PPP1R16B: variants seen among roughly 807,000 people sequenced by gnomAD.
The protein encoded by PPP1R16B is protein phosphatase 1 regulatory subunit 16B.
Under a neutral mutation model 61.7 loss-of-function variants are expected in PPP1R16B, and 14 were observed. That is an observed-to-expected ratio of 0.23 (90% CI 0.15 to 0.35). The LOEUF (loss-of-function observed/expected upper bound fraction) is 0.35, where lower values mean the gene tolerates loss of function less well. PPP1R16B is among the 10% of genes least tolerant of loss of function. The probability of loss-of-function intolerance (pLI) is 1.00; values close to 1 mark genes in which losing one functional copy is unlikely to be tolerated. For synonymous variants in PPP1R16B, 266 were observed against 305.3 expected, an observed-to-expected ratio of 0.87 and a Z score of 1.34; for missense variants, 547 against 752.5, an observed-to-expected ratio of 0.73 and a Z score of 3.19.
chr20:38,872,554 C>CT (rs1249119719), intron 2 of PPP1R16B, among the ~76,000 whole-genome samples: 1 of 152,196 alleles, frequency 6.6e-6, no homozygotes, highest in Non-Finnish European at 1.5e-5. Context: ...AGACACCCCC[C>CT]TCCTGCAGGG....
chr20:38,808,872 A>C (rs1331485792), intron 1 of PPP1R16B, among the ~76,000 whole-genome samples: 2 of 152,044 alleles, frequency 1.3e-5, no homozygotes, highest in African/African-American at 4.8e-5. Flanking sequence ...ATCTCTACTA[A>C]AAATACAAAA....
At chr20:38,867,017 G>GAATACACAAA (rs2085095057) in intron 2 of PPP1R16B, among the ~76,000 whole-genome samples, 4 of 152,060 alleles carry the variant, frequency 2.6e-5, no homozygotes, top group Non-Finnish European at 4.4e-5. Context: ...GTGACTTTTC[G>GAATACACAAA]TGTCTGGCTT....
At chr20:38,851,958 A>C (rs1045113770) in intron 2 of PPP1R16B, among the ~76,000 whole-genome samples, 1 of 152,168 alleles carries the variant, frequency 6.6e-6, no homozygotes, top group Non-Finnish European at 1.5e-5. Context: ...GCTTAAGCCC[A>C]TGTGGGCAAG....
rs2085579586 is a variant in PPP1R16B at position 38,919,991 on chromosome 20, C to T, written c.*1325C>T. The T allele has an allele frequency of 6.6e-6, 1 of 152,268 alleles. No homozygotes were observed. Among genetic ancestry groups the T allele is most frequent in the Non-Finnish European group, 1.5e-5 (1 of 68,062 alleles). 9.4% of individuals were successfully genotyped at this position (152,268 alleles called of 1,614,324 possible). Reference sequence around the variant, plus strand: ...TCCCGCCTCACCCAGGGGCTCCCAGCCTGCACTTGCAGGAGTGGTGATGCC... The same window carrying T: ...TCCCGCCTCACCCAGGGGCTCCCAGTCTGCACTTGCAGGAGTGGTGATGCC... On this transcript the variant is annotated 3_prime_UTR_variant, in exon 11 of 11. Transcript: ENST00000299824.
rs187754356 is a variant in PPP1R16B, at chr20:38,918,201, C to T, written c.1239C>T (p.Thr413=). The change falls in exon 11 of 11, where the codon ACC becomes ACT. Residue 413 remains threonine, a synonymous_variant. Coordinates refer to ENST00000299824, the MANE Select transcript of PPP1R16B (RefSeq NM_015568.4). This position sits in a 1 kb window ranked among gnomAD's most constrained non-coding sequence, Gnocchi z 5.3. Reference sequence around the variant, plus strand: ...CCGTGCTACTCTCCGAATTTCCTACCAAGATCCCACGAGGTGAACTGGACA... The same window carrying T: ...CCGTGCTACTCTCCGAATTTCCTACTAAGATCCCACGAGGTGAACTGGACA... The part of the protein sequence containing the change: ...EKPVLLSEFP[T]KIPRGELDMP... The T allele has an allele frequency of 6.2e-7, 1 of 1,614,254 alleles. No individual in the cohort carries two copies. The highest frequency in any genetic ancestry group is 1.1e-5 in the South Asian group (1 of 91,090).
At chr20:38,811,871 A>G (rs2084703009) in intron 1 of PPP1R16B, among the ~76,000 whole-genome samples, 1 of 152,222 alleles carries the variant, frequency 6.6e-6, no homozygotes, top group Admixed American at 6.5e-5. Flanking sequence ...TGCTGAGGTT[A>G]AGAAAGACTA....
chr20:38,907,756 G>A lies in PPP1R16B; in HGVS notation c.899-50G>A, dbSNP rs202024981. 2.6e-5 allele frequency: 41 copies of A among 1,603,108 alleles called. No homozygotes were observed. Among genetic ancestry groups the A allele is most frequent in the East Asian group, 1.3e-4 (6 of 44,760 alleles). ...CCTCTGGTCTGGAGCACCCTCTTGC[G>A]CCACAGGTCCTGGCCCCGTCCCCCA... is the stretch of plus-strand genomic sequence containing the variant. On this transcript the variant is annotated intron_variant, in intron 8 of 10. Coordinates refer to ENST00000299824, the MANE Select transcript of PPP1R16B (RefSeq NM_015568.4). This position sits in a 1 kb window ranked among gnomAD's most constrained non-coding sequence, Gnocchi z 4.5.
chr20:38,884,161 G>A (rs2085225170), intron 2 of PPP1R16B, among the ~76,000 whole-genome samples: 1 of 152,202 alleles, frequency 6.6e-6, no homozygotes, highest in Non-Finnish European at 1.5e-5. Flanking sequence ...ATTGCTCCAG[G>A]TGCTCCAGAG....
intron 2 of PPP1R16B, among the ~76,000 whole-genome samples, chr20:38,855,980 A>AGG (rs2085005864): frequency 1.7e-5 from 2 of 115,118 alleles, no homozygotes; most frequent in South Asian, 3.0e-4. Flanking sequence ...AGAGAGAGAG[A>AGG]GAAGGAGGAG....
At chr20:38,911,033 A>G (rs1485776684) in intron 10 of PPP1R16B, among the ~76,000 whole-genome samples, 1 of 151,902 alleles carries the variant, frequency 6.6e-6, no homozygotes, top group Non-Finnish European at 1.5e-5. Context: ...TTTTTTAGAG[A>G]TGGAATCTTG....
At chr20:38,914,054 G>T (rs1385123578) in intron 10 of PPP1R16B, among the ~76,000 whole-genome samples, 1 of 152,096 alleles carries the variant, frequency 6.6e-6, no homozygotes, top group Non-Finnish European at 1.5e-5. Context: ...GTGGTGGCAG[G>T]TGCCTGTAAT....
chr20:38,842,928 A>G (rs2084917636), intron 2 of PPP1R16B, among the ~76,000 whole-genome samples: 1 of 152,210 alleles, frequency 6.6e-6, no homozygotes, highest in Non-Finnish European at 1.5e-5. Flanking sequence ...TTCCCCCTGA[A>G]CAGCAACAAC....
At chr20:38,808,509 T>G (rs1394814552) in intron 1 of PPP1R16B, among the ~76,000 whole-genome samples, 1 of 152,170 alleles carries the variant, frequency 6.6e-6, no homozygotes, top group African/African-American at 2.4e-5. Context: ...CAATTGGGCT[T>G]CAAGAAGGGC....
intron 2 of PPP1R16B, among the ~76,000 whole-genome samples, chr20:38,846,261 A>G (rs117107611): frequency 3.3e-3 from 507 of 152,342 alleles, no homozygotes; most frequent in Non-Finnish European, 5.4e-3. Context: ...GGAAGTCATC[A>G]GCATGATACA....
rs115134530 is a variant in PPP1R16B, at chr20:38,891,098, A to C, written c.321+1433A>C. On this transcript the variant is annotated intron_variant, in intron 3 of 10. Transcript: ENST00000299824. ...GCTGCTATAGCTTGCCCTGAAATGG[A>C]GACCCAAATGCCAATTCCCAAGGCT... is the stretch of plus-strand genomic sequence containing the variant. Among the ~76,000 whole-genome samples, 266 of 152,292 alleles carry C rather than the reference A, an allele frequency of 1.7e-3. 1 individual carries two copies. Among genetic ancestry groups the C allele is most frequent in the African/African-American group, 6.0e-3 (250 of 41,558 alleles).
chr20:38,874,597 C>T lies in PPP1R16B; in HGVS notation c.251-14998C>T, dbSNP rs534440448. ...CCCCAACAGTGTGCTTTGATGGCTT[C>T]TCTCCAGGGTGGAAGTGGTTGGAGC... On this transcript the variant is annotated intron_variant, in intron 2 of 10. Coordinates refer to ENST00000299824, the MANE Select transcript of PPP1R16B (RefSeq NM_015568.4). Among the ~76,000 whole-genome samples the T allele has an allele frequency of 5.3e-5, 8 of 152,304 alleles. No homozygotes were observed. In the East Asian group the frequency reaches 1.5e-3, roughly 29 times the overall value.
rs1288146498 is a variant in PPP1R16B, at chr20:38,918,573, C to T, written c.1611C>T (p.Tyr537=). The change falls in exon 11 of 11, where the codon TAC becomes TAT. Residue 537 remains tyrosine (Y), a synonymous_variant. Coordinates refer to ENST00000299824, the MANE Select transcript of PPP1R16B (RefSeq NM_015568.4). This position sits in a 1 kb window ranked among gnomAD's most constrained non-coding sequence, Gnocchi z 5.3. ...GCAGCAATGGGACCTCGGTATATTA[C>T]ACGGTCACCAGCGGAGATCCCCCAC... ...PYSSNGTSVY[Y]TVTSGDPPLL... 13 of 1,545,822 alleles carry T rather than the reference C, an allele frequency of 8.4e-6. No homozygotes were observed. In the East Asian group the frequency reaches 2.9e-4, roughly 35 times the overall value.
intron 5 of PPP1R16B, among the ~76,000 whole-genome samples, chr20:38,901,193 C>T (rs2085391563): frequency 6.6e-6 from 1 of 152,138 alleles, no homozygotes; most frequent in Non-Finnish European, 1.5e-5. Flanking sequence ...CACAGATAGA[C>T]CTCTGAAGCG....
intron 2 of PPP1R16B, among the ~76,000 whole-genome samples, chr20:38,850,441 T>C (rs540127118): frequency 4.3e-4 from 65 of 152,306 alleles, no homozygotes; most frequent in African/African-American, 1.5e-3. Context: ...TCAAATGAAA[T>C]ATTCACCGGC....
Sources: allele counts gnomAD v4.1 joint callset (sites outside exome capture counted in the v4.1 genomes callset), GRCh38; gene constraint gnomAD v4.1.1; non-coding constraint Gnocchi (gnomAD v3.1); transcripts MANE v1.5; gene names NCBI Gene and HGNC (gene_info 2026-07-23, HGNC 2026-07-21).